PIAS2: variants seen among roughly 807,000 people sequenced by gnomAD.
PIAS2 encodes the protein E3 SUMO-protein ligase PIAS2.
Under a neutral mutation model 69.7 loss-of-function variants are expected in PIAS2, and 19 were observed. That is an observed-to-expected ratio of 0.27 (90% CI 0.19 to 0.40). The LOEUF (loss-of-function observed/expected upper bound fraction) is 0.40. PIAS2 is among the 10% of genes least tolerant of loss of function. The pLI is 1.00. For missense variants in PIAS2, 624 were observed against 757.0 expected (o/e 0.82, Z 2.06); for synonymous variants, 261 against 263.2 (o/e 0.99, Z 0.08).
intron 2 of PIAS2, among the ~76,000 whole-genome samples, chr18:46,879,860 T>C (rs945902654): frequency 6.6e-6 from 1 of 152,174 alleles, no homozygotes; most frequent in African/African-American, 2.4e-5. Flanking sequence ...AGTATGATTC[T>C]ACTTATATGA....
chr18:46,886,206 C>T (rs151252459), intron 2 of PIAS2, among the ~76,000 whole-genome samples: 1 of 152,266 alleles, frequency 6.6e-6, no homozygotes, highest in East Asian at 1.9e-4. Context: ...TGTGCTTAGC[C>T]ACATTCCTGA....
At chr18:46,909,432 G>A (rs1417436391) in intron 1 of PIAS2, among the ~76,000 whole-genome samples, 1 of 152,122 alleles carries the variant, frequency 6.6e-6, no homozygotes, top group Non-Finnish European at 1.5e-5. Flanking sequence ...TGTTTTGGTA[G>A]AGATGGGGTT....
chr18:46,823,016 T>C (rs553990200), intron 11 of PIAS2, among the ~76,000 whole-genome samples: 143 of 151,664 alleles, frequency 9.4e-4, no homozygotes, highest in African/African-American at 3.5e-3. Flanking sequence ...GGCAGGAGGA[T>C]TGCTTGAGCT....
intron 1 of PIAS2, among the ~76,000 whole-genome samples, chr18:46,897,269 T>C (rs1000788368): frequency 3.3e-5 from 5 of 152,092 alleles, no homozygotes; most frequent in Non-Finnish European, 2.9e-5. Context: ...CCAGACTCCT[T>C]GGGGAAATAA....
intron 8 of PIAS2, among the ~76,000 whole-genome samples, chr18:46,840,412 T>C (rs1404210688): frequency 6.6e-6 from 1 of 152,164 alleles, no homozygotes; most frequent in African/African-American, 2.4e-5. Context: ...CATATTATTA[T>C]AAAAAGTTTT....
At chr18:46,854,658 T>C (rs2047472346) in intron 5 of PIAS2, among the ~76,000 whole-genome samples, 3 of 152,180 alleles carry the variant, frequency 2.0e-5, no homozygotes, top group African/African-American at 2.4e-5. Flanking sequence ...TGCATTTACA[T>C]TGTATACATC....
chr18:46,836,020 T>C (rs1405775855), intron 9 of PIAS2, among the ~76,000 whole-genome samples: 2 of 152,196 alleles, frequency 1.3e-5, no homozygotes, highest in Admixed American at 6.5e-5. Context: ...GGTTTTTGCA[T>C]AGACCCTAAT....
At chr18:46,823,631 A>C (rs1009882291) in intron 11 of PIAS2, among the ~76,000 whole-genome samples, 6 of 152,220 alleles carry the variant, frequency 3.9e-5, no homozygotes, top group Admixed American at 6.5e-5. Context: ...GACTGTCAAA[A>C]CATGTGAAAT....
chr18:46,919,007 A>ATATGTG (rs550181494), upstream of PIAS2, among the ~76,000 whole-genome samples: 38 of 143,308 alleles, frequency 2.7e-4, no homozygotes, highest in South Asian at 2.0e-3. Flanking sequence ...ATATATATAT[A>ATATGTG]TGTGTGTGTG....
chr18:46,841,376 A>C (rs2045364826), intron 8 of PIAS2, among the ~76,000 whole-genome samples: 1 of 152,150 alleles, frequency 6.6e-6, no homozygotes, highest in Non-Finnish European at 1.5e-5. Flanking sequence ...TTCTTATTTA[A>C]GTGCCTGGGA....
chr18:46,818,466 C>A, intron 12 of PIAS2: 1 of 1,556,878 alleles, frequency 6.4e-7, no homozygotes, highest in Non-Finnish European at 8.7e-7. Flanking sequence ...TCAGAAGATT[C>A]ATGTTTATGA....
At chr18:46,876,563 T>C (rs1206871578) in intron 2 of PIAS2, among the ~76,000 whole-genome samples, 1 of 152,220 alleles carries the variant, frequency 6.6e-6, no homozygotes, top group Non-Finnish European at 1.5e-5. Context: ...GTGTCATCAT[T>C]GGAACTCAAT....
Position 46,806,078 on chromosome 18 carries a change from T to C in PIAS2, c.*6355A>G, listed in dbSNP as rs556721903. 6.6e-6 allele frequency: 1 copy of C among 152,368 alleles called. No individual in the cohort carries two copies. Among genetic ancestry groups the C allele is most frequent in the African/African-American group, 2.4e-5 (1 of 41,568 alleles). The allele number at this position is 152,368 out of a possible 1,614,324, so 9.4% of individuals were successfully genotyped here. A position where few individuals can be genotyped will look rare whatever the true frequency, so the allele number is the denominator to read the frequency against. On this transcript the variant is annotated 3_prime_UTR_variant, in exon 14 of 14. Coordinates refer to ENST00000585916, the MANE Select transcript of PIAS2 (RefSeq NM_004671.5). ...AGCATCCACTCCTTCCTTATTACTC[T>C]GGCCATCATCTGAAACCAGTTCTCA... is the stretch of plus-strand genomic sequence containing the variant.
rs1473516077 is a variant in PIAS2 at position 46,810,858 on chromosome 18, T to G, written c.*1575A>C. 1 of 152,058 alleles carries G rather than the reference T, an allele frequency of 6.6e-6. No homozygotes were observed. The highest frequency in any genetic ancestry group is 2.1e-4 in the South Asian group (1 of 4,820). The allele number at this position is 152,058 out of a possible 1,614,324, so 9.4% of individuals were successfully genotyped here. ...GAGTCCACACCTGGGCACTTCAGTTTGAGAAATCAATTGGTTGGACTGGCC... is the reference window on the plus strand; with the variant it reads ...GAGTCCACACCTGGGCACTTCAGTTGGAGAAATCAATTGGTTGGACTGGCC... On this transcript the variant is annotated 3_prime_UTR_variant, in exon 14 of 14. Transcript: ENST00000585916.
chr18:46,919,506 G>A (rs1212823086), upstream of PIAS2, among the ~76,000 whole-genome samples: 1 of 150,078 alleles, frequency 6.7e-6, no homozygotes, highest in East Asian at 2.0e-4. Flanking sequence ...AAAATTAGCC[G>A]GGTGTGGTGG....
intron 2 of PIAS2, 104 bp from the exon 3 acceptor site, chr18:46,864,352 G>T: frequency 1.5e-6 from 1 of 673,672 alleles, no homozygotes; most frequent in Non-Finnish European, 2.5e-6. Context: ...GCCAAATTCT[G>T]AAACGTTATG....
rs2040792204 is a variant in PIAS2, at chr18:46,807,948, C to A, written c.*4485G>T. 6.6e-6 allele frequency: 1 copy of A among 152,128 alleles called. No homozygotes were observed. The highest frequency in any genetic ancestry group is 1.5e-5 in the Non-Finnish European group (1 of 68,028). The allele number at this position is 152,128 out of a possible 1,614,324, so 9.4% of individuals were successfully genotyped here. Reference sequence around the variant, plus strand: ...CAAGAACTACAAAAGTGTTCATATACCCTTGACTAGAAATTCCACCTCCAG... The same window carrying A: ...CAAGAACTACAAAAGTGTTCATATAACCTTGACTAGAAATTCCACCTCCAG... On this transcript the variant is annotated 3_prime_UTR_variant, in exon 14 of 14. Coordinates refer to ENST00000585916, the MANE Select transcript of PIAS2 (RefSeq NM_004671.5).
Position 46,821,081 on chromosome 18 carries a change from A to C in PIAS2, c.1509-9T>G, listed in dbSNP as rs2042119635. The C allele has an allele frequency of 1.2e-6, 2 of 1,612,714 alleles. No homozygotes were observed. Among genetic ancestry groups the C allele is most frequent in the Admixed American group, 3.3e-5 (2 of 59,854 alleles). On this transcript the variant is annotated splice_polypyrimidine_tract_variant and intron_variant, in intron 11 of 13. Coordinates refer to ENST00000585916, the MANE Select transcript of PIAS2 (RefSeq NM_004671.5). ...GCTGATACATGAGAACCCTGTTTTA[A>C]ATAGCACGGGAAATTACAAACAATC...
intron 2 of PIAS2, among the ~76,000 whole-genome samples, chr18:46,876,425 G>T (rs2051199081): frequency 6.6e-6 from 1 of 152,128 alleles, no homozygotes; most frequent in Admixed American, 6.5e-5. Flanking sequence ...ATTACAACCA[G>T]CAACGATTTG....
Sources: gnomAD v4.1 joint callset for allele counts (sites outside exome capture counted in the v4.1 genomes callset) on GRCh38, gnomAD v4.1.1 for gene constraint, MANE v1.5 for transcripts, NCBI Gene and HGNC (gene_info 2026-07-23, HGNC 2026-07-21) for gene names.